The following PPARD variants were observed in gnomAD, a reference collection of about 807,000 sequenced individuals.
The protein encoded by PPARD is peroxisome proliferator-activated receptor delta.
In PPARD, 6 loss-of-function variants were observed where a neutral mutation model predicts 39.5. The ratio of observed to expected loss-of-function variants is 0.15; its 90% confidence interval spans 0.08 to 0.30. The LOEUF (loss-of-function observed/expected upper bound fraction) is 0.30. Ranked by LOEUF, PPARD falls within the 10% of genes least tolerant of loss-of-function variation. The pLI is 1.00. For synonymous variants in PPARD, 210 were observed against 231.3 expected, an observed-to-expected ratio of 0.91 and a Z score of 0.83; for missense variants, 397 against 596.8, an observed-to-expected ratio of 0.67 and a Z score of 3.49.
rs562951676 is a variant in PPARD, at chr6:35,363,388, A to G, written c.-102+16238A>G. ...CTGGTGAGACCCACTGGCTTCCTGT[A>G]CGTCCCCTCAAAGCCTGCGCCACCG... On this transcript the variant is annotated intron_variant, in intron 2 of 7. Coordinates refer to ENST00000360694, the MANE Select transcript of PPARD (RefSeq NM_006238.5). The surrounding 1 kb of genome is among the most constrained non-coding windows in gnomAD (Gnocchi z 4.5). Among the ~76,000 whole-genome samples the G allele has an allele frequency of 6.6e-6, 1 of 152,260 alleles. No homozygotes were observed. Among genetic ancestry groups the G allele is most frequent in the South Asian group, 2.1e-4 (1 of 4,826 alleles).
At chr6:35,375,909 G>GA (rs1168576120) in intron 2 of PPARD, among the ~76,000 whole-genome samples, 1 of 151,974 alleles carries the variant, frequency 6.6e-6, no homozygotes, top group African/African-American at 2.4e-5. Flanking sequence ...CTTTTACTTA[G>GA]AAAAATGTTA....
In PPARD at chr6:35,421,974, G is replaced by A; in HGVS notation, c.424+16G>A. On this transcript the variant is annotated intron_variant, in intron 5 of 7. Coordinates refer to ENST00000360694, the MANE Select transcript of PPARD (RefSeq NM_006238.5). ...TCACACAACGGTGAGAGCTGACCAGGGCAACTCACGGGCTGCTGGCTCCAC... is the reference window on the plus strand; with the variant it reads ...TCACACAACGGTGAGAGCTGACCAGAGCAACTCACGGGCTGCTGGCTCCAC... The A allele has an allele frequency of 6.3e-7, 1 of 1,590,182 alleles. No individual in the cohort carries two copies.
intron 2 of PPARD, among the ~76,000 whole-genome samples, chr6:35,379,439 T>C (rs777567379): frequency 6.6e-6 from 1 of 152,190 alleles, no homozygotes; most frequent in Non-Finnish European, 1.5e-5. Flanking sequence ...GTGAATCCCA[T>C]TAGTTCTTTC....
chr6:35,399,911 A>G (rs1176875852), intron 2 of PPARD, among the ~76,000 whole-genome samples: 1 of 152,136 alleles, frequency 6.6e-6, no homozygotes, highest in Non-Finnish European at 1.5e-5. Flanking sequence ...CCATTCCTCT[A>G]TTATTGGGCA....
chr6:35,343,653 C>T (rs1395628242), intron 1 of PPARD, among the ~76,000 whole-genome samples: 1 of 152,222 alleles, frequency 6.6e-6, no homozygotes, highest in Non-Finnish European at 1.5e-5. Flanking sequence ...AATTTGTAGG[C>T]CATTCTTCTT....
chr6:35,381,480 T>C (rs906907249), intron 2 of PPARD, among the ~76,000 whole-genome samples: 2 of 152,188 alleles, frequency 1.3e-5, no homozygotes, highest in African/African-American at 4.8e-5. Context: ...GTCTAGGGCT[T>C]GTCTCTCCGC....
intron 2 of PPARD, among the ~76,000 whole-genome samples, chr6:35,354,891 T>G (rs1207925985): frequency 6.6e-6 from 1 of 152,230 alleles, no homozygotes; most frequent in Admixed American, 6.5e-5. Context: ...GATTTTGTGC[T>G]GGAGACCGGT....
chr6:35,389,557 C>A (rs2150659776), intron 2 of PPARD, among the ~76,000 whole-genome samples: 1 of 152,248 alleles, frequency 6.6e-6, no homozygotes, highest in East Asian at 1.9e-4. Flanking sequence ...AGGTGATCCG[C>A]CCGCCTCGGC....
intron 2 of PPARD, among the ~76,000 whole-genome samples, chr6:35,348,116 C>T (rs1760993887): frequency 6.6e-6 from 1 of 152,006 alleles, no homozygotes; most frequent in East Asian, 1.9e-4. Context: ...CCATGTTAGC[C>T]AGACTGGTCT....
chr6:35,401,982 G>T lies in PPARD; in HGVS notation c.-101-9005G>T, dbSNP rs950662703. Among the ~76,000 whole-genome samples, 2 of 152,058 alleles carry T rather than the reference G, an allele frequency of 1.3e-5. No individual in the cohort carries two copies. The highest frequency in any genetic ancestry group is 4.8e-5 in the African/African-American group (2 of 41,402). ...GGAAGCCCTCTCCATGTAGTGTGAG[G>T]GGTCTCAGGCCCATTCAGGCTTCAG... is the stretch of plus-strand genomic sequence containing the variant. On this transcript the variant is annotated intron_variant, in intron 2 of 7. Transcript: ENST00000360694. This position sits in a 1 kb window ranked among gnomAD's most constrained non-coding sequence, Gnocchi z 4.1.
chr6:35,411,886 C>T (rs1271767418), intron 3 of PPARD, among the ~76,000 whole-genome samples: 1 of 152,084 alleles, frequency 6.6e-6, no homozygotes, highest in Non-Finnish European at 1.5e-5. Context: ...CACCCAGAAT[C>T]CATGCAGCCC....
At chr6:35,396,690 C>T (rs1350314948) in intron 2 of PPARD, among the ~76,000 whole-genome samples, 15 of 151,756 alleles carry the variant, frequency 9.9e-5, no homozygotes, top group Admixed American at 1.3e-4. Flanking sequence ...ATTAGCTGGG[C>T]GTGGTAGCAT....
At chr6:35,398,033 G>C (rs1764454716) in intron 2 of PPARD, among the ~76,000 whole-genome samples, 1 of 152,188 alleles carries the variant, frequency 6.6e-6, no homozygotes, top group Non-Finnish European at 1.5e-5. Context: ...CGTGTGCCTG[G>C]TACTTAATAT....
At chr6:35,357,735 C>T (rs1036376051) in intron 2 of PPARD, among the ~76,000 whole-genome samples, 2 of 152,122 alleles carry the variant, frequency 1.3e-5, no homozygotes, top group African/African-American at 2.4e-5. Context: ...CGGGATTTCA[C>T]TATCTTGGCC....
At position 35,412,371 on chromosome 6, in the gene PPARD, G is replaced by C. The variant is rs776358592; in HGVS notation, c.130+1154G>C. Among the ~76,000 whole-genome samples, 1 of 152,192 alleles carries C rather than the reference G, an allele frequency of 6.6e-6. No homozygotes were observed. The highest frequency in any genetic ancestry group is 1.5e-5 in the Non-Finnish European group (1 of 68,036). On this transcript the variant is annotated intron_variant, in intron 3 of 7. Coordinates refer to ENST00000360694, the MANE Select transcript of PPARD (RefSeq NM_006238.5). This position sits in a 1 kb window ranked among gnomAD's most constrained non-coding sequence, Gnocchi z 4.1. ...ATATACTGCTGGGAGTAGACACCCT[G>C]CACTCGCTGCTGCTTTCAGCTGCAG... is the stretch of plus-strand genomic sequence containing the variant.
intron 2 of PPARD, among the ~76,000 whole-genome samples, chr6:35,354,559 A>C (rs1761458839): frequency 6.6e-6 from 1 of 152,072 alleles, no homozygotes. Flanking sequence ...TCGGCCTCCC[A>C]AAGTGCTGGA....
At chr6:35,354,440 A>G (rs372392654) in intron 2 of PPARD, among the ~76,000 whole-genome samples, 1 of 150,820 alleles carries the variant, frequency 6.6e-6, no homozygotes, top group East Asian at 2.0e-4. Context: ...AGCTGGGATT[A>G]TAGGCGACTG....
intron 2 of PPARD, among the ~76,000 whole-genome samples, chr6:35,398,951 C>G (rs1214611245): frequency 1.3e-5 from 2 of 151,088 alleles, no homozygotes; most frequent in Non-Finnish European, 2.9e-5. Context: ...CTGACTCTAC[C>G]AAAAAATATA....
At chr6:35,358,991 G>A (rs1204085806) in intron 2 of PPARD, among the ~76,000 whole-genome samples, 1 of 152,042 alleles carries the variant, frequency 6.6e-6, no homozygotes, top group Non-Finnish European at 1.5e-5. Flanking sequence ...AAGGAGGGTA[G>A]TGGCAGTTCC....
Sources: allele counts gnomAD v4.1 joint callset (sites outside exome capture counted in the v4.1 genomes callset), GRCh38; gene constraint gnomAD v4.1.1; non-coding constraint Gnocchi (gnomAD v3.1); transcripts MANE v1.5; gene names NCBI Gene and HGNC (gene_info 2026-07-23, HGNC 2026-07-21).